The following SUSD1 variants were observed in gnomAD, a reference collection of about 807,000 sequenced individuals.
The protein encoded by SUSD1 is sushi domain containing 1.
Under a neutral mutation model 86.9 loss-of-function variants are expected in SUSD1, and 65 were observed. The observed-to-expected ratio is 0.75, with a 90% CI of 0.61 to 0.92. The LOEUF is 0.92. SUSD1 is among the 40% of genes least tolerant of loss of function. SUSD1 has a pLI of 0.00. For synonymous variants in SUSD1, 346 were observed against 350.0 expected, an observed-to-expected ratio of 0.99 and a Z score of 0.13; for missense variants, 850 against 929.7, an observed-to-expected ratio of 0.91 and a Z score of 1.11.
chr9:112,165,407 C>CTTTTTTT (rs34075174), intron 1 of SUSD1, among the ~76,000 whole-genome samples: 4 of 119,452 alleles, frequency 3.3e-5, no homozygotes, highest in African/African-American at 6.4e-5. Flanking sequence ...GTCTTTGACA[C>CTTTTTTT]TTTTTTTTTT....
rs1182773384 is a variant in SUSD1, at chr9:112,078,635, C to T, written c.1656G>A (p.Val552=). 2.1e-5 allele frequency: 34 copies of T among 1,614,090 alleles called. No homozygotes were observed. In the East Asian group the frequency reaches 6.7e-4, roughly 32 times the overall value. Residue 552 remains valine (V), a synonymous_variant, in exon 12 of 17, where the codon GTG becomes GTA. Coordinates refer to ENST00000374270, the MANE Select transcript of SUSD1 (RefSeq NM_022486.5). The part of the protein sequence containing the change: ...NISSSSRDPE[V]CLDLRPGTNY... ...TGGTACCCGGACGTAGGTCCAAGCA[C>T]ACCTCGGGATCTCGGCTGCTGCTAC...
intron 6 of SUSD1, among the ~76,000 whole-genome samples, chr9:112,123,663 G>C (rs1831643100): frequency 6.6e-6 from 1 of 152,040 alleles, no homozygotes; most frequent in Non-Finnish European, 1.5e-5. Flanking sequence ...AGCTGGGCAT[G>C]GTGGTGGGCA....
chr9:112,147,474 G>A (rs1022990649), intron 3 of SUSD1, among the ~76,000 whole-genome samples: 4 of 151,882 alleles, frequency 2.6e-5, no homozygotes, highest in Non-Finnish European at 5.9e-5. Context: ...CCGTGATTGT[G>A]CCACTGCACT....
chr9:112,139,191 TAGAG>T (rs1310181522), intron 5 of SUSD1, among the ~76,000 whole-genome samples: 1 of 152,098 alleles, frequency 6.6e-6, no homozygotes, highest in Non-Finnish European at 1.5e-5. Context: ...ATTCCAGAAA[TAGAG>T]AAAGAAGGAA....
chr9:112,106,542 C>G (rs919892614), intron 8 of SUSD1, among the ~76,000 whole-genome samples: 3 of 151,768 alleles, frequency 2.0e-5, no homozygotes, highest in Non-Finnish European at 4.4e-5. Context: ...TAATAGAGAA[C>G]GTGGTTTGAA....
intron 12 of SUSD1, among the ~76,000 whole-genome samples, chr9:112,064,737 G>A (rs61395599): frequency 0.038 from 5,727 of 152,114 alleles, 351 homozygotes; most frequent in African/African-American, 0.13. Flanking sequence ...TTAGCCAGGC[G>A]TGGTGGCGGG....
At chr9:112,158,366 T>TC (rs1050377618) in intron 1 of SUSD1, among the ~76,000 whole-genome samples, 5 of 152,088 alleles carry the variant, frequency 3.3e-5, no homozygotes, top group Non-Finnish European at 7.4e-5. Context: ...AATGTCACAT[T>TC]CCCTCTGAGG....
chr9:112,170,366 C>A (rs1564361687), intron 1 of SUSD1, among the ~76,000 whole-genome samples: 1 of 152,050 alleles, frequency 6.6e-6, no homozygotes, highest in East Asian at 1.9e-4. Flanking sequence ...GCAAGAACAA[C>A]TTCCTGACCT....
chr9:112,131,414 G>GCT (rs1225233640), intron 5 of SUSD1, among the ~76,000 whole-genome samples: 1 of 152,186 alleles, frequency 6.6e-6, no homozygotes, highest in Non-Finnish European at 1.5e-5. Context: ...TCTCTCTGTA[G>GCT]CTCTGTGACT....
At chr9:112,043,973 G>A (rs1244403256) in intron 15 of SUSD1, among the ~76,000 whole-genome samples, 2 of 151,860 alleles carry the variant, frequency 1.3e-5, no homozygotes, top group Non-Finnish European at 2.9e-5. Flanking sequence ...GCTAGTTTTT[G>A]TATTTTAGTA....
chr9:112,054,685 A>G (rs1180148829), intron 14 of SUSD1, among the ~76,000 whole-genome samples: 1 of 152,214 alleles, frequency 6.6e-6, no homozygotes, highest in Non-Finnish European at 1.5e-5. Context: ...CATATAAAAA[A>G]TTAACTCAAA....
chr9:112,148,716 G>T (rs1361276742), intron 3 of SUSD1, among the ~76,000 whole-genome samples: 1 of 152,072 alleles, frequency 6.6e-6, no homozygotes, highest in African/African-American at 2.4e-5. Context: ...GACCAGCCTG[G>T]CCAATGGGGC....
At chr9:112,123,920 C>T (rs968860899) in intron 6 of SUSD1, among the ~76,000 whole-genome samples, 1 of 152,040 alleles carries the variant, frequency 6.6e-6, no homozygotes, top group Non-Finnish European at 1.5e-5. Context: ...CTCTGAAAAG[C>T]GGTCAACAGG....
At chr9:112,055,245 G>C (rs1828396577) in intron 14 of SUSD1, among the ~76,000 whole-genome samples, 1 of 152,118 alleles carries the variant, frequency 6.6e-6, no homozygotes, top group Non-Finnish European at 1.5e-5. Context: ...GGGAAACATG[G>C]CAAAATCCTG....
chr9:112,055,493 G>C (rs906099911), intron 14 of SUSD1, among the ~76,000 whole-genome samples: 3 of 152,128 alleles, frequency 2.0e-5, no homozygotes, highest in African/African-American at 7.2e-5. Flanking sequence ...TATAAGAAAA[G>C]AAAACAGAAA....
At chr9:112,082,031 A>G (rs917114899) in intron 10 of SUSD1, among the ~76,000 whole-genome samples, 4 of 152,238 alleles carry the variant, frequency 2.6e-5, no homozygotes, top group African/African-American at 9.6e-5. Flanking sequence ...AATTTCTAGT[A>G]AAGTTAAGAA....
At chr9:112,087,704 G>T (rs1375731753) in intron 10 of SUSD1, among the ~76,000 whole-genome samples, 1 of 151,876 alleles carries the variant, frequency 6.6e-6, no homozygotes, top group Admixed American at 6.6e-5. Flanking sequence ...AAGTTAAAAG[G>T]GTCAAAAATA....
At position 112,078,809 on chromosome 9, in the gene SUSD1, CTCTTT is replaced by C; in HGVS notation, c.1567-90_1567-86del. 4 of 829,704 alleles carry C rather than the reference CTCTTT, an allele frequency of 4.8e-6. No homozygotes were observed. The African/African-American group carries it at 9.4e-5, about 20-fold the overall frequency. 51.4% of individuals were successfully genotyped at this position (829,704 alleles called of 1,614,324 possible). ...AAACCTCCCCTTTTCCTTTTTCTTTCTCTTTTTTTTTTTTTTTTTTTGAGATGGGG... is the reference window on the plus strand; with the variant it reads ...AAACCTCCCCTTTTCCTTTTTCTTTCTTTTTTTTTTTTTTTTGAGATGGGG... On this transcript the variant is annotated intron_variant, in intron 11 of 16. Coordinates refer to ENST00000374270, the MANE Select transcript of SUSD1 (RefSeq NM_022486.5).
intron 1 of SUSD1, among the ~76,000 whole-genome samples, chr9:112,158,675 A>G (rs2131825412): frequency 6.6e-6 from 1 of 152,298 alleles, no homozygotes; most frequent in Non-Finnish European, 1.5e-5. Flanking sequence ...TATAGGTGTG[A>G]GCCAATGCGC....
Sources: allele counts gnomAD v4.1 joint callset (sites outside exome capture counted in the v4.1 genomes callset), GRCh38; gene constraint gnomAD v4.1.1; transcripts MANE v1.5; gene names NCBI Gene and HGNC (gene_info 2026-07-23, HGNC 2026-07-21).